SLC35D3: variants seen among roughly 807,000 people sequenced by gnomAD.
The protein encoded by SLC35D3 is solute carrier family 35 member D3.
In SLC35D3, 18 loss-of-function variants were observed where a neutral mutation model predicts 20.3. That is an observed-to-expected ratio of 0.89 (90% CI 0.61 to 1.32). The LOEUF (loss-of-function observed/expected upper bound fraction) is 1.32, where lower values mean the gene tolerates loss of function less well. Ranked by LOEUF, SLC35D3 falls within the 40% of genes most tolerant of loss-of-function variation. SLC35D3 has a pLI of 0.00. For synonymous variants in SLC35D3, 313 were observed against 263.5 expected (o/e 1.19, Z -1.82); for missense variants, 556 against 565.5 (o/e 0.98, Z 0.17).
At position 136,923,607 on chromosome 6, in the gene SLC35D3, C is replaced by T. The variant is rs1255085240; in HGVS notation, c.440-278C>T. Among the ~76,000 whole-genome samples the T allele has an allele frequency of 2.6e-5, 4 of 152,236 alleles. No homozygotes were observed. Among genetic ancestry groups the T allele is most frequent in the African/African-American group, 7.2e-5 (3 of 41,470 alleles). ...CACCTGCCCCGAGGGCATCTGCGCT[C>T]TCCGGGGCCTTTGTCTTGGACAGAG... is the stretch of plus-strand genomic sequence containing the variant. On this transcript the variant is annotated intron_variant, in intron 1 of 1. Transcript: ENST00000331858. The surrounding 1 kb of genome is among the most constrained non-coding windows in gnomAD (Gnocchi z 6.2).
chr6:136,922,992 C>G lies in SLC35D3; in HGVS notation c.439+125C>G. The G allele has an allele frequency of 1.8e-6, 2 of 1,115,696 alleles. No individual in the cohort carries two copies. Among genetic ancestry groups the G allele is most frequent in the Non-Finnish European group, 2.5e-6 (2 of 812,078 alleles). 69.1% of individuals were successfully genotyped at this position (1,115,696 alleles called of 1,614,324 possible). A position where few individuals can be genotyped will look rare whatever the true frequency, so the allele number is the denominator to read the frequency against. The stretch of plus-strand genomic sequence containing the variant: ...ATGGGGAGACTGAGGCAGAGAGAGC[C>G]GGAGAGCTTTGAGAGTGGTCGCTCA... On this transcript the variant is annotated intron_variant, in intron 1 of 1. Transcript: ENST00000331858. The surrounding 1 kb of genome is among the most constrained non-coding windows in gnomAD (Gnocchi z 6.8).
chr6:136,922,604 T>C lies in SLC35D3; in HGVS notation c.176T>C (p.Leu59Pro). The C allele has an allele frequency of 1.9e-6, 3 of 1,611,744 alleles. No individual in the cohort carries two copies. Among genetic ancestry groups the C allele is most frequent in the Non-Finnish European group, 1.7e-6 (2 of 1,179,666 alleles). Reference sequence around the variant, plus strand: ...ACCGCGGCGCTGAGCCTGGAGCTGCTGCGGCGCCTCGGGCTCATCGCCGTG... The same window carrying C: ...ACCGCGGCGCTGAGCCTGGAGCTGCCGCGGCGCCTCGGGCTCATCGCCGTG... ...SSTAALSLEL[L>P]RRLGLIAVPP... The change falls in exon 1 of 2, where the codon CTG becomes CCG. Residue 59 changes from leucine to proline, a missense_variant. Physicochemically the swap from Leu to Pro is moderately conservative, Grantham distance 98. Coordinates refer to ENST00000331858, the MANE Select transcript of SLC35D3 (RefSeq NM_001008783.3). This position sits in a 1 kb window ranked among gnomAD's most constrained non-coding sequence, Gnocchi z 6.8.
chr6:136,922,486 G>T lies in SLC35D3; in HGVS notation c.58G>T (p.Val20Phe), dbSNP rs1582789978. ...CATCTCGGTGGCCATCGCGCACGGG[G>T]TCTTCTCGGGCTCCCTCAACATCTT... ...LGISVAIAHG[V>F]FSGSLNILLK... The change falls in exon 1 of 2, where the codon GTC becomes TTC. Residue 20 changes from valine (V) to phenylalanine (F), a missense_variant. Transcript: ENST00000331858. The surrounding 1 kb of genome is among the most constrained non-coding windows in gnomAD (Gnocchi z 6.8). 3.7e-6 allele frequency: 6 copies of T among 1,606,404 alleles called. No individual in the cohort carries two copies. The East Asian group carries it at 1.4e-4, about 36-fold the overall frequency.
Position 136,922,470 on chromosome 6 carries a change from G to A in SLC35D3, c.42G>A (p.Val14=), listed in dbSNP as rs1454502489. ...LCRGRVLGIS[V]AIAHGVFSGS... ...GGGGCCGCGTGCTGGGCATCTCGGT[G>A]GCCATCGCGCACGGGGTCTTCTCGG... is the stretch of plus-strand genomic sequence containing the variant. The change falls in exon 1 of 2, where the codon GTG becomes GTA. Residue 14 remains valine, a synonymous_variant. Transcript: ENST00000331858. This position sits in a 1 kb window ranked among gnomAD's most constrained non-coding sequence, Gnocchi z 6.8. 3 of 1,606,558 alleles carry A rather than the reference G, an allele frequency of 1.9e-6. No individual in the cohort carries two copies. The Admixed American group carries it at 5.0e-5, about 27-fold the overall frequency.
rs772749622 is a variant in SLC35D3, at chr6:136,922,655, G to A, written c.227G>A (p.Arg76His). ...CCCCCCTTCGGTCTGAGCCTGGCGCGCTCCTTCGCGGGGGTCGCGGTGCTC... is the reference window on the plus strand; with the variant it reads ...CCCCCCTTCGGTCTGAGCCTGGCGCACTCCTTCGCGGGGGTCGCGGTGCTC... Reference protein sequence around the residue: ...AVPPFGLSLARSFAGVAVLST... With the variant: ...AVPPFGLSLAHSFAGVAVLST... The change falls in exon 1 of 2, where the codon CGC becomes CAC. Residue 76 changes from arginine to histidine, a missense_variant. Transcript: ENST00000331858. This position sits in a 1 kb window ranked among gnomAD's most constrained non-coding sequence, Gnocchi z 6.8. 2 of 1,607,960 alleles carry A rather than the reference G, an allele frequency of 1.2e-6. No homozygotes were observed. Among genetic ancestry groups the A allele is most frequent in the Admixed American group, 1.7e-5 (1 of 59,838 alleles).
At position 136,922,401 on chromosome 6, in the gene SLC35D3, C is replaced by T; in HGVS notation, c.-28C>T. On this transcript the variant is annotated 5_prime_UTR_variant, in exon 1 of 2. Transcript: ENST00000331858. This position sits in a 1 kb window ranked among gnomAD's most constrained non-coding sequence, Gnocchi z 6.8. ...TCGCGCGCAGGTCGCGGAGCTCCGC[C>T]ACCGCTGGGTGCGGCGAGGCCGGCG... 1 of 1,453,170 alleles carries T rather than the reference C, an allele frequency of 6.9e-7. No individual in the cohort carries two copies. The highest frequency in any genetic ancestry group is 2.8e-5 in the East Asian group (1 of 35,402). The allele number at this position is 1,453,170 out of a possible 1,614,324, so 90.0% of individuals were successfully genotyped here.
At position 136,924,770 on chromosome 6, in the gene SLC35D3, G is replaced by T. The variant is rs774008192; in HGVS notation, c.*74G>T. 41 of 1,375,808 alleles carry T rather than the reference G, an allele frequency of 3.0e-5. No homozygotes were observed. Among genetic ancestry groups the T allele is most frequent in the Non-Finnish European group, 3.9e-5 (40 of 1,027,858 alleles). The allele number at this position is 1,375,808 out of a possible 1,614,324, so 85.2% of individuals were successfully genotyped here. On this transcript the variant is annotated 3_prime_UTR_variant, in exon 2 of 2. Coordinates refer to ENST00000331858, the MANE Select transcript of SLC35D3 (RefSeq NM_001008783.3). ...TAGAAATGACGTGTTTTAATGAGAGGCCTCCCCGTTTTATTCTTTGAGGAG... is the reference window on the plus strand; with the variant it reads ...TAGAAATGACGTGTTTTAATGAGAGTCCTCCCCGTTTTATTCTTTGAGGAG...
rs771309847 is a variant in SLC35D3, at chr6:136,924,009, C to A, written c.564C>A (p.Thr188=). 2 of 1,598,574 alleles carry A rather than the reference C, an allele frequency of 1.3e-6. No homozygotes were observed. The highest frequency in any genetic ancestry group is 2.3e-5 in the East Asian group (1 of 44,028). The change falls in exon 2 of 2, where the codon ACC becomes ACA. Residue 188 remains threonine, a synonymous_variant. Coordinates refer to ENST00000331858, the MANE Select transcript of SLC35D3 (RefSeq NM_001008783.3). ...ASADTEHGPL[T]AQYVIAVSAT... The stretch of plus-strand genomic sequence containing the variant: ...CAGACACCGAGCACGGGCCGCTCAC[C>A]GCGCAGTACGTCATCGCCGTCTCTG...
Position 136,922,996 on chromosome 6 carries a change from G to C in SLC35D3, c.439+129G>C, listed in dbSNP as rs1394145312. On this transcript the variant is annotated intron_variant, in intron 1 of 1. Transcript: ENST00000331858. This position sits in a 1 kb window ranked among gnomAD's most constrained non-coding sequence, Gnocchi z 6.8. ...GGAGACTGAGGCAGAGAGAGCCGGA[G>C]AGCTTTGAGAGTGGTCGCTCAGCTC... 4.1e-5 allele frequency: 44 copies of C among 1,062,254 alleles called. No homozygotes were observed. In the South Asian group the frequency reaches 6.8e-4, roughly 16 times the overall value. 65.8% of individuals were successfully genotyped at this position (1,062,254 alleles called of 1,614,324 possible). A position where few individuals can be genotyped will look rare whatever the true frequency, so the allele number is the denominator to read the frequency against.
Position 136,924,509 on chromosome 6 carries a change from C to A in SLC35D3, c.1064C>A (p.Pro355His), listed in dbSNP as rs1420818887. Residue 355 changes from proline (P) to histidine (H), a missense_variant, in exon 2 of 2, where the codon CCC becomes CAC. Coordinates refer to ENST00000331858, the MANE Select transcript of SLC35D3 (RefSeq NM_001008783.3). ...RSEGGEAAGG[P>H]AQESRQEVRG... is the part of the protein sequence containing the mutation. ...GAAGGTGGGGAGGCAGCAGGTGGCCCCGCTCAGGAGAGCAGGCAAGAGGTC... is the reference window on the plus strand; with the variant it reads ...GAAGGTGGGGAGGCAGCAGGTGGCCACGCTCAGGAGAGCAGGCAAGAGGTC... The A allele has an allele frequency of 6.2e-7, 1 of 1,613,342 alleles. No individual in the cohort carries two copies. The highest frequency in any genetic ancestry group is 8.5e-7 in the Non-Finnish European group (1 of 1,179,840).
chr6:136,924,570 G>T lies in SLC35D3; in HGVS notation c.1125G>T (p.Gly375=). The T allele has an allele frequency of 6.2e-7, 1 of 1,613,796 alleles. No individual in the cohort carries two copies. Among genetic ancestry groups the T allele is most frequent in the South Asian group, 1.1e-5 (1 of 91,066 alleles). Reference sequence around the variant, plus strand: ...CCCGAGGAGTCCCGCTGGTGGCTGGGAGCTCTGAAGAAGGGAGCAGGAGGT... The same window carrying T: ...CCCGAGGAGTCCCGCTGGTGGCTGGTAGCTCTGAAGAAGGGAGCAGGAGGT... The part of the protein sequence containing the change: ...GSPRGVPLVA[G]SSEEGSRRSL... The change falls in exon 2 of 2, where the codon GGG becomes GGT. Residue 375 remains glycine, a synonymous_variant. Transcript: ENST00000331858.
chr6:136,923,827 C>T lies in SLC35D3; in HGVS notation c.440-58C>T. On this transcript the variant is annotated intron_variant, in intron 1 of 1. Coordinates refer to ENST00000331858, the MANE Select transcript of SLC35D3 (RefSeq NM_001008783.3). The surrounding 1 kb of genome is among the most constrained non-coding windows in gnomAD (Gnocchi z 6.2). ...GTGGGTCCCCGCCCACGCCAACCTG[C>T]TGTCTTCTCTCTTTTTCCTTCCCGC... 1 of 1,441,678 alleles carries T rather than the reference C, an allele frequency of 6.9e-7. No homozygotes were observed. Among genetic ancestry groups the T allele is most frequent in the African/African-American group, 1.4e-5 (1 of 70,714 alleles). The allele number at this position is 1,441,678 out of a possible 1,614,324, so 89.3% of individuals were successfully genotyped here. A position where few individuals can be genotyped will look rare whatever the true frequency, so the allele number is the denominator to read the frequency against.
At position 136,923,440 on chromosome 6, in the gene SLC35D3, T is replaced by A. The variant is rs1327410916; in HGVS notation, c.440-445T>A. The stretch of plus-strand genomic sequence containing the variant: ...GCTTCACTGGGGGCCAGAACAGGCG[T>A]TCTCCCCCGCGCCTGGCCCGCTCCG... On this transcript the variant is annotated intron_variant, in intron 1 of 1. Coordinates refer to ENST00000331858, the MANE Select transcript of SLC35D3 (RefSeq NM_001008783.3). This position sits in a 1 kb window ranked among gnomAD's most constrained non-coding sequence, Gnocchi z 6.2. 6.6e-6 allele frequency among the ~76,000 whole-genome samples: 1 copy of A among 152,026 alleles called. No individual in the cohort carries two copies.
At position 136,925,536 on chromosome 6, in the gene SLC35D3, T is replaced by C. The variant is rs1261988067; in HGVS notation, c.*840T>C. 6.6e-6 allele frequency: 1 copy of C among 152,262 alleles called. No individual in the cohort carries two copies. 9.4% of individuals were successfully genotyped at this position (152,262 alleles called of 1,614,324 possible). A position where few individuals can be genotyped will look rare whatever the true frequency, so the allele number is the denominator to read the frequency against. ...TAAAGCAAGTCCTTTCAAGTTTCAC[T>C]GCACATCCCAAACCATGTTACAAAA... is the stretch of plus-strand genomic sequence containing the variant. On this transcript the variant is annotated 3_prime_UTR_variant, in exon 2 of 2. Transcript: ENST00000331858.
rs549637884 is a variant in SLC35D3 at position 136,925,597 on chromosome 6, T to C, written c.*901T>C. On this transcript the variant is annotated 3_prime_UTR_variant, in exon 2 of 2. Transcript: ENST00000331858. ...CTATATTCACATTATGATATTTTTC[T>C]ATCTTAAATTTGTCAAAATAAAGTA... The C allele has an allele frequency of 1.5e-4, 23 of 152,250 alleles. No homozygotes were observed. The highest frequency in any genetic ancestry group is 3.2e-4 in the Non-Finnish European group (22 of 68,038). 9.4% of individuals were successfully genotyped at this position (152,250 alleles called of 1,614,324 possible).
chr6:136,922,639 G>T lies in SLC35D3; in HGVS notation c.211G>T (p.Gly71Cys), dbSNP rs1776078313. Reference protein sequence around the residue: ...RLGLIAVPPFGLSLARSFAGV... With the variant: ...RLGLIAVPPFCLSLARSFAGV... ...CGGGCTCATCGCCGTGCCCCCCTTC[G>T]GTCTGAGCCTGGCGCGCTCCTTCGC... The change falls in exon 1 of 2, where the codon GGT (glycine) becomes TGT (cysteine). Residue 71 changes from glycine (G) to cysteine (C), a missense_variant. Physicochemically the swap from Gly to Cys is radical, Grantham distance 159. Coordinates refer to ENST00000331858, the MANE Select transcript of SLC35D3 (RefSeq NM_001008783.3). This position sits in a 1 kb window ranked among gnomAD's most constrained non-coding sequence, Gnocchi z 6.8. The T allele has an allele frequency of 1.9e-6, 3 of 1,609,720 alleles. No individual in the cohort carries two copies. Among genetic ancestry groups the T allele is most frequent in the African/African-American group, 1.3e-5 (1 of 75,024 alleles).
rs1227942885 is a variant in SLC35D3, at chr6:136,922,765, CT to C, written c.338del (p.Leu113ArgfsTer39). ...CGTGGTCTTCAAGCGCTGCCTGCCC[CT>C]GGTCACCATGCTCATCGGCGTCCTG... ...MYVVFKRCLPLVTMLIGVLVL... is the reference protein window; with the variant it reads ...MYVVFKRCLPXVTMLIGVLVL... On this transcript the variant is annotated frameshift_variant, in exon 1 of 2. Coordinates refer to ENST00000331858, the MANE Select transcript of SLC35D3 (RefSeq NM_001008783.3). LOFTEE classifies it high-confidence loss of function. This position sits in a 1 kb window ranked among gnomAD's most constrained non-coding sequence, Gnocchi z 6.8. 2.6e-6 allele frequency: 4 copies of C among 1,567,220 alleles called. No individual in the cohort carries two copies. The highest frequency in any genetic ancestry group is 3.5e-6 in the Non-Finnish European group (4 of 1,156,416).
At position 136,924,252 on chromosome 6, in the gene SLC35D3, G is replaced by T; in HGVS notation, c.807G>T (p.Val269=). 6.2e-7 allele frequency: 1 copy of T among 1,614,090 alleles called. No individual in the cohort carries two copies. Among genetic ancestry groups the T allele is most frequent in the Non-Finnish European group, 8.5e-7 (1 of 1,180,046 alleles). Residue 269 remains valine, a synonymous_variant, in exon 2 of 2, where the codon GTG becomes GTT. Transcript: ENST00000331858. ...TGAAGAGCATCGCCACCATCACGGT[G>T]GGCATGGTGGCCTTCAGCGACGTGG... ...GVVKSIATIT[V]GMVAFSDVEP...
In SLC35D3 at chr6:136,924,133, G is replaced by T. The variant is rs868580404; in HGVS notation, c.688G>T (p.Val230Leu). ...WKDPAMVCIF[V>L]ACILIGCAMN... Reference sequence around the variant, plus strand: ...GGACCCGGCCATGGTCTGCATCTTCGTGGCCTGCATCCTGATCGGCTGCGC... The same window carrying T: ...GGACCCGGCCATGGTCTGCATCTTCTTGGCCTGCATCCTGATCGGCTGCGC... Residue 230 changes from valine (V) to leucine (L), a missense_variant, in exon 2 of 2, where the codon GTG becomes TTG. Transcript: ENST00000331858. 2.5e-5 allele frequency: 41 copies of T among 1,612,698 alleles called. No homozygotes were observed. Among genetic ancestry groups the T allele is most frequent in the Non-Finnish European group, 3.4e-5 (40 of 1,180,020 alleles).
Sources: gnomAD v4.1 joint callset for allele counts (sites outside exome capture counted in the v4.1 genomes callset) on GRCh38, gnomAD v4.1.1 for gene constraint, Gnocchi (gnomAD v3.1) non-coding constraint, MANE v1.5 for transcripts, NCBI Gene and HGNC (gene_info 2026-07-23, HGNC 2026-07-21) for gene names.